The following MAPK10 variants were observed in gnomAD, a reference collection of about 807,000 sequenced individuals.
MAPK10 encodes JNK3 alpha protein kinase.
MAPK10 carries 25 observed loss-of-function variants against 59.3 expected under a neutral mutation model. The observed-to-expected ratio is 0.42, with a 90% CI of 0.31 to 0.59. MAPK10 has a LOEUF of 0.59. Among genes scored for constraint, MAPK10 ranks in the 20% least tolerant of loss-of-function variants. The pLI is 0.15. For missense variants in MAPK10, 351 were observed against 568.9 expected, an observed-to-expected ratio of 0.62 and a Z score of 3.90; for synonymous variants, 190 against 200.5, an observed-to-expected ratio of 0.95 and a Z score of 0.44.
intron 2 of MAPK10, among the ~76,000 whole-genome samples, chr4:86,215,504 T>C (rs1309043299): frequency 6.6e-6 from 1 of 152,122 alleles, no homozygotes; most frequent in Admixed American, 6.5e-5. Flanking sequence ...TTTCAAATAA[T>C]ACAGATAAAA....
At chr4:86,220,482 C>A (rs2089229159) in intron 2 of MAPK10, among the ~76,000 whole-genome samples, 1 of 152,280 alleles carries the variant, frequency 6.6e-6, no homozygotes, top group South Asian at 2.1e-4. Context: ...AAAGTAGGGG[C>A]AATGATGCCA....
chr4:86,573,875 T>C (rs1489247411), intron 1 of MAPK10, among the ~76,000 whole-genome samples: 1 of 152,200 alleles, frequency 6.6e-6, no homozygotes, highest in African/African-American at 2.4e-5. Flanking sequence ...TTTCTAATTG[T>C]TTAATTACAA....
At chr4:86,063,079 T>C (rs2046031186) in intron 11 of MAPK10, among the ~76,000 whole-genome samples, 2 of 152,178 alleles carry the variant, frequency 1.3e-5, no homozygotes, top group Non-Finnish European at 2.9e-5. Flanking sequence ...GATTCATTAA[T>C]CACTTAAGTG....
At position 86,029,252 on chromosome 4, in the gene MAPK10, C is replaced by G; in HGVS notation, c.1197G>C (p.Met399Ile). The change falls in exon 13 of 14, where the codon ATG becomes ATC. Residue 399 changes from methionine (M) to isoleucine (I), a missense_variant. Met to Ile is a conservative substitution (Grantham distance 10). Around this residue, in one of 5 missense-constraint regions of MAPK10, gnomAD observed 155 missense variants for 204.2 expected, o/e 0.76. Coordinates refer to ENST00000641462, the MANE Select transcript of MAPK10 (RefSeq NM_138982.4). The part of the protein sequence containing the change: ...EWKELIYKEV[M>I]NSEEKTKNGV... ...CATTTTTAGTCTTTTCTTCTGAATT[C>G]ATTACTTCCTTGTAGATAAGTTCTG... 6.2e-7 allele frequency: 1 copy of G among 1,609,884 alleles called. No individual in the cohort carries two copies. The highest frequency in any genetic ancestry group is 8.5e-7 in the Non-Finnish European group (1 of 1,176,656).
At chr4:86,038,486 A>C (rs1483864199) in intron 11 of MAPK10, among the ~76,000 whole-genome samples, 1 of 152,212 alleles carries the variant, frequency 6.6e-6, no homozygotes, top group Non-Finnish European at 1.5e-5. Context: ...AGAACAGGAA[A>C]TCCATTAAGG....
chr4:86,216,701 T>G (rs533836427), intron 2 of MAPK10, among the ~76,000 whole-genome samples: 1 of 152,142 alleles, frequency 6.6e-6, no homozygotes, highest in East Asian at 1.9e-4. Context: ...TAGAACATAA[T>G]TCCACTTAGC....
At chr4:86,486,593 A>C (rs1754015586) in intron 1 of MAPK10, among the ~76,000 whole-genome samples, 1 of 152,184 alleles carries the variant, frequency 6.6e-6, no homozygotes, top group South Asian at 2.1e-4. Context: ...CCAGGTTCTA[A>C]ATGACTGTGG....
chr4:86,482,576 A>G (rs1289339607), intron 1 of MAPK10, among the ~76,000 whole-genome samples: 4 of 152,210 alleles, frequency 2.6e-5, no homozygotes, highest in Admixed American at 2.0e-4. Context: ...CCTTGTTCCA[A>G]CAATGAGAAA....
intron 5 of MAPK10, chr4:86,106,873 G>A (rs1383182242): frequency 1.3e-5 from 2 of 155,170 alleles, no homozygotes; most frequent in Non-Finnish European, 2.8e-5. Context: ...ATAAAGAAAT[G>A]TAGCATGGTG....
In MAPK10 at chr4:86,372,564, G is replaced by GAAAGAAAGAAAGGAAGGAAAAGAAAAGA; in HGVS notation, c.-121-17921_-121-17920insTCTTTTCTTTTCCTTCCTTTCTTTCTTT. 4.9e-3 allele frequency among the ~76,000 whole-genome samples: 388 copies of GAAAGAAAGAAAGGAAGGAAAAGAAAAGA among 78,706 alleles called. 15 individuals carry two copies. Among genetic ancestry groups the GAAAGAAAGAAAGGAAGGAAAAGAAAAGA allele is most frequent in the African/African-American group, 0.016 (362 of 22,574 alleles). 51.6% of individuals were successfully genotyped at this position (78,706 alleles called of 152,430 possible). ...AGAAAGAAAGAAAGAAAGAAAGAAA[G>GAAAGAAAGAAAGGAAGGAAAAGAAAAGA]AAAGAAAAGAAAAGAAAAGAAAAGA... is the stretch of plus-strand genomic sequence containing the variant. On this transcript the variant is annotated intron_variant, in intron 1 of 13. Coordinates refer to the MAPK10 transcript ENST00000361569.
At chr4:86,195,363 A>C (rs2081043834) in intron 2 of MAPK10, among the ~76,000 whole-genome samples, 1 of 151,834 alleles carries the variant, frequency 6.6e-6, no homozygotes, top group Admixed American at 6.6e-5. Flanking sequence ...AATCACTATC[A>C]GTGCAAAATC....
intron 1 of MAPK10, among the ~76,000 whole-genome samples, chr4:86,474,324 A>G (rs1040788755): frequency 6.6e-6 from 1 of 152,254 alleles, no homozygotes; most frequent in African/African-American, 2.4e-5. Flanking sequence ...TATAGCTTGT[A>G]TATACATTAA....
chr4:86,170,105 C>CA (rs1230145219), intron 3 of MAPK10, among the ~76,000 whole-genome samples: 1 of 151,982 alleles, frequency 6.6e-6, no homozygotes, highest in Non-Finnish European at 1.5e-5. Context: ...GCTGCAAAAT[C>CA]ATGCCAAAAT....
intron 3 of MAPK10, among the ~76,000 whole-genome samples, chr4:86,189,766 T>G (rs1301734337): frequency 6.6e-6 from 1 of 152,062 alleles, no homozygotes; most frequent in African/African-American, 2.4e-5. Flanking sequence ...ATTGCCCCAG[T>G]CAGAACTTCC....
At chr4:86,250,766 C>A (rs2093371171) in intron 2 of MAPK10, among the ~76,000 whole-genome samples, 1 of 152,102 alleles carries the variant, frequency 6.6e-6, no homozygotes, top group African/African-American at 2.4e-5. Flanking sequence ...TAACAATGTA[C>A]TACTGTCAAG....
chr4:86,350,957 G>A (rs972205977), intron 2 of MAPK10, among the ~76,000 whole-genome samples: 2 of 152,086 alleles, frequency 1.3e-5, no homozygotes, highest in African/African-American at 4.8e-5. Flanking sequence ...TAAAAATCAG[G>A]TGGTTGTTAT....
chr4:86,585,495 A>G (rs1164761746), intron 1 of MAPK10, among the ~76,000 whole-genome samples: 1 of 152,240 alleles, frequency 6.6e-6, no homozygotes, highest in African/African-American at 2.4e-5. Context: ...CCAACAGTAG[A>G]TCGATGGTCA....
At chr4:86,177,614 G>A (rs1024325270) in intron 3 of MAPK10, among the ~76,000 whole-genome samples, 5 of 152,132 alleles carry the variant, frequency 3.3e-5, no homozygotes, top group Admixed American at 2.6e-4. Flanking sequence ...AAATGCTCTA[G>A]ATGCTAGTAA....
chr4:86,110,448 G>C (rs569862750), intron 4 of MAPK10, among the ~76,000 whole-genome samples: 11 of 152,102 alleles, frequency 7.2e-5, no homozygotes, highest in African/African-American at 2.7e-4. Flanking sequence ...GCATATGGCT[G>C]GTCAGTTTTC....
Sources: allele counts gnomAD v4.1 joint callset (sites outside exome capture counted in the v4.1 genomes callset), GRCh38; gene constraint gnomAD v4.1.1; regional missense constraint gnomAD v4.1.1; transcripts MANE v1.5; gene names NCBI Gene and HGNC (gene_info 2026-07-23, HGNC 2026-07-21).